LIN54: variants seen among roughly 807,000 people sequenced by gnomAD.
The protein encoded by LIN54 is protein lin-54 homolog.
LIN54 carries 9 observed loss-of-function variants against 78.7 expected under a neutral mutation model. The ratio of observed to expected loss-of-function variants is 0.11; its 90% CI spans 0.07 to 0.20. LIN54 has a LOEUF of 0.20. LIN54 is among the 10% of genes least tolerant of loss of function. The probability of loss-of-function intolerance (pLI) is 1.00; values close to 1 mark genes in which losing one functional copy is unlikely to be tolerated. For missense variants in LIN54, 573 were observed against 889.9 expected, an observed-to-expected ratio of 0.64 and a Z score of 4.53; for synonymous variants, 269 against 318.4, an observed-to-expected ratio of 0.84 and a Z score of 1.65.
chr4:82,987,049 G>A (rs1365947280), intron 1 of LIN54, among the ~76,000 whole-genome samples: 1 of 152,168 alleles, frequency 6.6e-6, no homozygotes, highest in Non-Finnish European at 1.5e-5. Flanking sequence ...CCAGCACTTT[G>A]GGAGGCCGAG....
At position 82,939,729 on chromosome 4, in the gene LIN54, G is replaced by T. The variant is rs776861319; in HGVS notation, c.1250C>A (p.Pro417Gln). 14 of 1,613,884 alleles carry T rather than the reference G, an allele frequency of 8.7e-6. No individual in the cohort carries two copies. Among genetic ancestry groups the T allele is most frequent in the Non-Finnish European group, 1.2e-5 (14 of 1,179,964 alleles). Residue 417 changes from proline (P) to glutamine (Q), a missense_variant, in exon 7 of 13, where the codon CCA becomes CAA. By Grantham distance (76) the Pro-to-Gln change is moderately conservative (BLOSUM62 -1). This residue lies in a region of LIN54 where 199 missense variants were observed against 260.9 expected (regional missense o/e 0.76). Coordinates refer to ENST00000340417, the MANE Select transcript of LIN54 (RefSeq NM_194282.4). ...VSAQAVKQVV[P>Q]KPINPTSQIV... Reference sequence around the variant, plus strand: ...TTGTGAAGTTGGATTGATTGGTTTTGGAACAACCTAAAAAGAAGGGACATA... The same window carrying T: ...TTGTGAAGTTGGATTGATTGGTTTTTGAACAACCTAAAAAGAAGGGACATA...
Position 82,991,394 on chromosome 4 carries a change from T to C in LIN54, c.-32-6518A>G, listed in dbSNP as rs576358276. On this transcript the variant is annotated intron_variant, in intron 1 of 12. Transcript: ENST00000340417. ...TATATTGTCCATGTATCCTACAACC[T>C]AGCTAAACTCACTTATTAATTCTGA... 3.3e-5 allele frequency among the ~76,000 whole-genome samples: 5 copies of C among 152,368 alleles called. No individual in the cohort carries two copies. In the South Asian group the frequency reaches 1.0e-3, roughly 32 times the overall value.
At chr4:82,933,277 ATATTTT>A (rs1722115852) in intron 11 of LIN54, among the ~76,000 whole-genome samples, 2 of 150,754 alleles carry the variant, frequency 1.3e-5, no homozygotes, top group Admixed American at 6.6e-5. Context: ...AATTATCTTT[ATATTTT>A]AAGAACCATA....
chr4:82,963,351 C>A (rs1363154433), intron 4 of LIN54, among the ~76,000 whole-genome samples: 1 of 152,070 alleles, frequency 6.6e-6, no homozygotes, highest in Non-Finnish European at 1.5e-5. Flanking sequence ...TTAAAAAGTT[C>A]TTTAGAGATG....
At position 82,979,021 on chromosome 4, in the gene LIN54, T is replaced by G. The variant is rs767348191; in HGVS notation, c.685-15A>C. On this transcript the variant is annotated splice_polypyrimidine_tract_variant and intron_variant, in intron 2 of 12. Transcript: ENST00000340417. ...TTCTTAGCAATCTGAAACATATAAA[T>G]AACTATGAAGACCATCTGTTTCTAT... 1 of 1,551,348 alleles carries G rather than the reference T, an allele frequency of 6.4e-7. No homozygotes were observed. Among genetic ancestry groups the G allele is most frequent in the Admixed American group, 1.8e-5 (1 of 57,046 alleles).
At chr4:82,966,209 C>T (rs951380798) in intron 4 of LIN54, among the ~76,000 whole-genome samples, 2 of 152,066 alleles carry the variant, frequency 1.3e-5, no homozygotes, top group Non-Finnish European at 1.5e-5. Flanking sequence ...AATGGACATC[C>T]TCGTCTAGAT....
chr4:82,964,348 C>T (rs1417230494), intron 4 of LIN54, among the ~76,000 whole-genome samples: 4 of 152,130 alleles, frequency 2.6e-5, no homozygotes, highest in Non-Finnish European at 5.9e-5. Context: ...ACCATGCCCC[C>T]CAGCCACTTA....
At chr4:82,983,249 T>G (rs1484797270) in intron 2 of LIN54, among the ~76,000 whole-genome samples, 1 of 152,052 alleles carries the variant, frequency 6.6e-6, no homozygotes, top group East Asian at 1.9e-4. Flanking sequence ...CCTCAGGTGA[T>G]CCGCCCACCT....
chr4:83,000,216 G>C (rs1728637535), intron 1 of LIN54, among the ~76,000 whole-genome samples: 1 of 152,134 alleles, frequency 6.6e-6, no homozygotes, highest in South Asian at 2.1e-4. Flanking sequence ...CAATGCAGAT[G>C]AAAGTGCCTT....
At chr4:82,975,423 T>C (rs1028366089) in intron 3 of LIN54, among the ~76,000 whole-genome samples, 2 of 151,382 alleles carry the variant, frequency 1.3e-5, no homozygotes, top group Non-Finnish European at 2.9e-5. Context: ...AAGAACTACA[T>C]GATGAGGCCA....
At chr4:82,960,013 A>C (rs1724658605) in intron 4 of LIN54, among the ~76,000 whole-genome samples, 2 of 152,208 alleles carry the variant, frequency 1.3e-5, no homozygotes, top group Non-Finnish European at 2.9e-5. Context: ...CTGAACTATA[A>C]TAATCTGCAG....
intron 4 of LIN54, among the ~76,000 whole-genome samples, chr4:82,969,358 T>C (rs1212547635): frequency 3.9e-5 from 6 of 152,236 alleles, no homozygotes; most frequent in African/African-American, 1.4e-4. Flanking sequence ...AACTACCTTA[T>C]TGAATTCCTT....
intron 4 of LIN54, among the ~76,000 whole-genome samples, chr4:82,956,353 T>A (rs79981165): frequency 4.7e-5 from 6 of 128,888 alleles, no homozygotes; most frequent in East Asian, 2.7e-4. Context: ...CCGTCTCAAC[T>A]AAAAAAAAAA....
At chr4:82,955,339 G>A (rs1322691751) in intron 4 of LIN54, among the ~76,000 whole-genome samples, 1 of 148,438 alleles carries the variant, frequency 6.7e-6, no homozygotes, top group African/African-American at 2.5e-5. Flanking sequence ...ACTCCAGCCT[G>A]GGCAACAGAG....
At chr4:82,996,314 T>G (rs191451775) in intron 1 of LIN54, among the ~76,000 whole-genome samples, 1 of 152,084 alleles carries the variant, frequency 6.6e-6, no homozygotes, top group Non-Finnish European at 1.5e-5. Context: ...CTGAGAAGCT[T>G]TAGTTCACCT....
At position 82,926,787 on chromosome 4, in the gene LIN54, G is replaced by A. The variant is rs925175168; in HGVS notation, c.*1315C>T. The stretch of plus-strand genomic sequence containing the variant: ...ATCCCACCACAATTTTGAAAATTTT[G>A]TTAGGAGGCCCATTTCTGTAAATCA... On this transcript the variant is annotated 3_prime_UTR_variant, in exon 13 of 13. Transcript: ENST00000340417. The A allele has an allele frequency of 6.6e-6, 1 of 152,216 alleles. No homozygotes were observed. Among genetic ancestry groups the A allele is most frequent in the Non-Finnish European group, 1.5e-5 (1 of 68,004 alleles). 9.4% of individuals were successfully genotyped at this position (152,216 alleles called of 1,614,324 possible).
chr4:83,002,468 G>A (rs1211684987), intron 1 of LIN54, among the ~76,000 whole-genome samples: 2 of 146,584 alleles, frequency 1.4e-5, no homozygotes, highest in Non-Finnish European at 3.0e-5. Flanking sequence ...AGGAAGGAGG[G>A]AGGAGGGAAG....
rs114931405 is a variant in LIN54, at chr4:82,971,660, C to A, written c.809-1191G>T. Among the ~76,000 whole-genome samples, 628 of 152,218 alleles carry A rather than the reference C, an allele frequency of 4.1e-3. 2 individuals are homozygous for A. Among genetic ancestry groups the A allele is most frequent in the African/African-American group, 0.014 (581 of 41,524 alleles). On this transcript the variant is annotated intron_variant, in intron 3 of 12. Transcript: ENST00000340417. ...GGATTAGAACCAATCTGTATCACAT[C>A]AAATGCAGAGAAACAGAAAATATTT...
intron 3 of LIN54, among the ~76,000 whole-genome samples, chr4:82,976,601 G>A (rs1451806029): frequency 3.9e-5 from 6 of 152,018 alleles, no homozygotes; most frequent in African/African-American, 1.2e-4. Context: ...CCAGCTACTC[G>A]GGAGGCTGAG....
Sources: allele counts gnomAD v4.1 joint callset (sites outside exome capture counted in the v4.1 genomes callset), GRCh38; gene constraint gnomAD v4.1.1; regional missense constraint gnomAD v4.1.1; transcripts MANE v1.5; gene names NCBI Gene and HGNC (gene_info 2026-07-23, HGNC 2026-07-21).